Variants in DMXL2 observed in about 807,000 individuals in gnomAD.
The protein encoded by DMXL2 is Dmx like 2.
DMXL2 carries 103 observed loss-of-function variants against 331.1 expected under a neutral mutation model. The observed-to-expected ratio is 0.31, with a 90% CI of 0.27 to 0.37. The LOEUF (loss-of-function observed/expected upper bound fraction) is 0.37, where lower values mean the gene tolerates loss of function less well. DMXL2 is among the 10% of genes least tolerant of loss of function. DMXL2 has a pLI of 1.00. For synonymous variants in DMXL2, 1,281 were observed against 1,252.1 expected, an observed-to-expected ratio of 1.02 and a Z score of -0.49; for missense variants, 3,171 against 3,642.9, an observed-to-expected ratio of 0.87 and a Z score of 3.33.
At chr15:51,555,245 A>C (rs34604744) in intron 6 of DMXL2, among the ~76,000 whole-genome samples, 39,785 of 152,072 alleles carry the variant, frequency 0.26, 5,574 homozygotes, top group East Asian at 0.47. Flanking sequence ...CCAATTAAAA[A>C]TTTAATACAA....
At position 51,455,217 on chromosome 15, in the gene DMXL2, C is replaced by T. The variant is rs151096557; in HGVS notation, c.8538G>A (p.Ala2846=). The part of the protein sequence containing the change: ...FNSQGNKCGV[A]DGEGFLSIWQ... ...AGATACTCAGAAAACCCTCTCCATC[C>T]GCAACACCACACTGTAAGAACAGTA... The change falls in exon 40 of 44, where the codon GCG becomes GCA. Residue 2846 remains alanine (A), a synonymous_variant. Transcript: ENST00000560891. The T allele has an allele frequency of 5.9e-5, 95 of 1,613,840 alleles. 1 individual carries two copies. Among genetic ancestry groups the T allele is most frequent in the Admixed American group, 5.8e-4 (35 of 60,014 alleles).
intron 41 of DMXL2, 23 bp downstream of exon 41, chr15:51,453,527 A>T: frequency 3.2e-6 from 5 of 1,546,644 alleles, no homozygotes; most frequent in Non-Finnish European, 4.4e-6. Flanking sequence ...TATATTTCTT[A>T]CTTTGCTTTT....
At chr15:51,563,238 ACAC>A in intron 6 of DMXL2, 140 bp downstream of exon 6, 3 of 684,014 alleles carry the variant, frequency 4.4e-6, no homozygotes, top group Non-Finnish European at 7.1e-6. Flanking sequence ...TCTTTTACAA[ACAC>A]CACTTTTATT....
intron 13 of DMXL2, among the ~76,000 whole-genome samples, chr15:51,524,312 C>G (rs2047543874): frequency 6.6e-6 from 1 of 152,154 alleles, no homozygotes; most frequent in Non-Finnish European, 1.5e-5. Flanking sequence ...TAAAGAGTAT[C>G]TACAAATAAC....
At chr15:51,535,909 A>G in intron 12 of DMXL2, 125 bp from the exon 13 acceptor site, 1 of 1,136,244 alleles carries the variant, frequency 8.8e-7, no homozygotes, top group South Asian at 2.0e-5. Flanking sequence ...TCATAATTAA[A>G]CAGGCACAAT....
At chr15:51,523,763 G>T (rs1326186889) in intron 13 of DMXL2, among the ~76,000 whole-genome samples, 2 of 152,200 alleles carry the variant, frequency 1.3e-5, no homozygotes, top group African/African-American at 4.8e-5. Flanking sequence ...AAAGAGCATG[G>T]CCTTGCCAAC....
chr15:51,585,432 T>C (rs1271738975), intron 1 of DMXL2, among the ~76,000 whole-genome samples: 1 of 152,208 alleles, frequency 6.6e-6, no homozygotes, highest in East Asian at 1.9e-4. Flanking sequence ...TTCTTCTTAA[T>C]AGCTGCACAG....
At chr15:51,458,683 C>G in intron 35 of DMXL2, 26 bp downstream of exon 35, 1 of 1,613,600 alleles carries the variant, frequency 6.2e-7, no homozygotes, top group South Asian at 1.1e-5. Context: ...GAGAAATACA[C>G]TGTGTATAAT....
At position 51,599,729 on chromosome 15, in the gene DMXL2, T is replaced by G. The variant is rs111860743; in HGVS notation, c.87+22730A>C. Reference sequence around the variant, plus strand: ...CTTTCTCTTTTTTTGAGATGGAGTCTCGCTTTGTCACCCAGGCTGGAGTGC... The same window carrying G: ...CTTTCTCTTTTTTTGAGATGGAGTCGCGCTTTGTCACCCAGGCTGGAGTGC... On this transcript the variant is annotated intron_variant, in intron 1 of 43. Coordinates refer to ENST00000560891, the MANE Select transcript of DMXL2 (RefSeq NM_001378457.1). 5.8e-3 allele frequency among the ~76,000 whole-genome samples: 882 copies of G among 152,310 alleles called. 4 individuals are homozygous for G. The highest frequency in any genetic ancestry group is 0.014 in the Middle Eastern group (4 of 294).
intron 21 of DMXL2, among the ~76,000 whole-genome samples, chr15:51,488,324 C>T (rs2042548979): frequency 1.3e-5 from 2 of 152,148 alleles, no homozygotes; most frequent in African/African-American, 2.4e-5. Context: ...TAGGAAACAG[C>T]ATTTTTTACT....
intron 6 of DMXL2, among the ~76,000 whole-genome samples, chr15:51,556,693 A>AG (rs2049612722): frequency 6.6e-6 from 1 of 152,052 alleles, no homozygotes; most frequent in Non-Finnish European, 1.5e-5. Flanking sequence ...AAATACTTGA[A>AG]CCTGGGAAGC....
At chr15:51,477,911 G>T (rs1192377053) in intron 26 of DMXL2, among the ~76,000 whole-genome samples, 1 of 151,838 alleles carries the variant, frequency 6.6e-6, no homozygotes, top group African/African-American at 2.4e-5. Flanking sequence ...TATTTCAATG[G>T]ATAATTAGTT....
At chr15:51,546,205 AAGG>A (rs1387382032) in intron 7 of DMXL2, among the ~76,000 whole-genome samples, 1 of 152,144 alleles carries the variant, frequency 6.6e-6, no homozygotes, top group East Asian at 1.9e-4. Flanking sequence ...ATAAAACTGT[AAGG>A]AGAATATAAT....
At chr15:51,491,789 A>T in intron 19 of DMXL2, 42 bp from the exon 20 acceptor site, 1 of 1,516,224 alleles carries the variant, frequency 6.6e-7, no homozygotes. Context: ...TAACTGTATC[A>T]AATAAGAAGA....
chr15:51,547,331 T>C lies in DMXL2; in HGVS notation c.645A>G (p.Val215=), dbSNP rs201324453. 16 of 1,613,152 alleles carry C rather than the reference T, an allele frequency of 9.9e-6. No individual in the cohort carries two copies. The highest frequency in any genetic ancestry group is 2.2e-5 in the South Asian group (2 of 91,026). Residue 215 remains valine (V), a synonymous_variant, in exon 7 of 44, where the codon GTA becomes GTG. Transcript: ENST00000560891. ...SSIIPQDHHE[V]KRRQSSTQFS... is the part of the protein sequence containing the mutation. ...ATTGAGTAGAGGACTGTCTCCTTTT[T>C]ACTTCATGATGATCCTGAGGTATAA...
intron 1 of DMXL2, among the ~76,000 whole-genome samples, chr15:51,621,999 G>A (rs535730841): frequency 2.2e-4 from 33 of 152,142 alleles, no homozygotes; most frequent in Non-Finnish European, 4.1e-4. Context: ...GGCAGGGGGA[G>A]CCAAGGCGCA....
chr15:51,520,439 C>T (rs1001721624), intron 13 of DMXL2, among the ~76,000 whole-genome samples: 5 of 152,128 alleles, frequency 3.3e-5, no homozygotes, highest in South Asian at 2.1e-4. Flanking sequence ...TAAACATAAA[C>T]GTATACAAAT....
intron 6 of DMXL2, among the ~76,000 whole-genome samples, chr15:51,552,367 G>T (rs1229568397): frequency 1.3e-5 from 2 of 152,226 alleles, no homozygotes. Context: ...CAGCCCCGAA[G>T]ATGCTGACAC....
chr15:51,449,528 G>C (rs1258608019), intron 43 of DMXL2, among the ~76,000 whole-genome samples: 1 of 152,220 alleles, frequency 6.6e-6, no homozygotes, highest in Non-Finnish European at 1.5e-5. Flanking sequence ...GTGTGGTACA[G>C]ACAGTCCCCT....
Sources: allele counts gnomAD v4.1 joint callset (sites outside exome capture counted in the v4.1 genomes callset), GRCh38; gene constraint gnomAD v4.1.1; transcripts MANE v1.5; gene names NCBI Gene and HGNC (gene_info 2026-07-23, HGNC 2026-07-21).